LIPH: variants seen among roughly 807,000 people sequenced by gnomAD.
The protein encoded by LIPH is lipase H, also known as lipase member H.
In LIPH, 32 loss-of-function variants were observed where a neutral mutation model predicts 47.6. That is an observed-to-expected ratio of 0.67 (90% confidence interval 0.51 to 0.90). The LOEUF is 0.90. LIPH is among the 40% of genes least tolerant of loss of function. LIPH has a pLI of 0.00. For missense variants in LIPH, 497 were observed against 541.4 expected, an observed-to-expected ratio of 0.92 and a Z score of 0.81; for synonymous variants, 190 against 195.6, an observed-to-expected ratio of 0.97 and a Z score of 0.24.
Position 185,527,563 on chromosome 3 carries a change from T to C in LIPH, c.549A>G (p.Leu183=). Residue 183 remains leucine, a synonymous_variant, in exon 4 of 10, where the codon TTA becomes TTG. Coordinates refer to ENST00000296252, the MANE Select transcript of LIPH (RefSeq NM_139248.3). ...TGTCTTGGTGAGGTTTCCCGTTGAA[T>C]AAAGGGCCTGCAGGGTCGAGGCCTG... The part of the protein sequence containing the change: ...RITGLDPAGP[L]FNGKPHQDRL... 1.9e-6 allele frequency: 3 copies of C among 1,611,918 alleles called. No homozygotes were observed. The highest frequency in any genetic ancestry group is 2.5e-6 in the Non-Finnish European group (3 of 1,179,342).
At position 185,507,120 on chromosome 3, in the gene LIPH, C is replaced by A. The variant is rs1280270516; in HGVS notation, c.*1670G>T. The A allele has an allele frequency of 6.6e-6, 1 of 152,124 alleles. No individual in the cohort carries two copies. Among genetic ancestry groups the A allele is most frequent in the Non-Finnish European group, 1.5e-5 (1 of 68,044 alleles). 9.4% of individuals were successfully genotyped at this position (152,124 alleles called of 1,614,324 possible). Reference sequence around the variant, plus strand: ...GGGTGTGGTGGCTCATGCCTGTAATCCCAGCACTTTGGGAGGCCGAGACGG... The same window carrying A: ...GGGTGTGGTGGCTCATGCCTGTAATACCAGCACTTTGGGAGGCCGAGACGG... On this transcript the variant is annotated 3_prime_UTR_variant, in exon 10 of 10. Transcript: ENST00000296252.
rs1008933418 is a variant in LIPH at position 185,527,568 on chromosome 3, G to A, written c.544C>T (p.Pro182Ser). 6.2e-7 allele frequency: 1 copy of A among 1,611,598 alleles called. No homozygotes were observed. The highest frequency in any genetic ancestry group is 1.3e-5 in the African/African-American group (1 of 74,392). Residue 182 changes from proline to serine, a missense_variant, in exon 4 of 10, where the codon CCT (proline) becomes TCT (serine). Physicochemically the swap from Pro to Ser is moderately conservative, Grantham distance 74. Coordinates refer to ENST00000296252, the MANE Select transcript of LIPH (RefSeq NM_139248.3). The stretch of plus-strand genomic sequence containing the variant: ...TGGTGAGGTTTCCCGTTGAATAAAG[G>A]GCCTGCAGGGTCGAGGCCTGGAAGG... ...GRITGLDPAG[P>S]LFNGKPHQDR...
intron 5 of LIPH, 37 bp from the exon 6 acceptor site, chr3:185,519,346 T>G: frequency 7.1e-7 from 1 of 1,409,680 alleles, no homozygotes; most frequent in Non-Finnish European, 1.0e-6. Context: ...AGTAGAGCGG[T>G]TGAAGCATTT....
chr3:185,529,955 AAAGAAAGAAG>A (rs1451295489), intron 3 of LIPH, among the ~76,000 whole-genome samples: 102 of 53,954 alleles, frequency 1.9e-3, no homozygotes, highest in African/African-American at 5.1e-3. Context: ...AGAAAGAAAG[AAAGAAAGAAG>A]GAAAGAAAGA....
intron 1 of LIPH, among the ~76,000 whole-genome samples, chr3:185,538,836 CATATAT>C (rs1266522320): frequency 1.2e-4 from 5 of 41,334 alleles, no homozygotes; most frequent in African/African-American, 3.5e-4. Context: ...TACATATATA[CATATAT>C]ACACATATAT....
rs1560160731 is a variant in LIPH, at chr3:185,522,627, G to GAGAGA, written c.718+1443_718+1444insTCTCT. Among the ~76,000 whole-genome samples, 10 of 95,410 alleles carry GAGAGA rather than the reference G, an allele frequency of 1.0e-4. No homozygotes were observed. The South Asian group carries it at 2.3e-3, about 22-fold the overall frequency. The allele number at this position is 95,410 out of a possible 152,430, so 62.6% of individuals were successfully genotyped here. ...AGGAAGGGAGGGAGAGAGAAAGAAA[G>GAGAGA]AAGGAAAAGAAAGAGAGAAAGAAAA... On this transcript the variant is annotated intron_variant, in intron 5 of 9. Coordinates refer to ENST00000296252, the MANE Select transcript of LIPH (RefSeq NM_139248.3).
At chr3:185,549,184 C>CAAGA (rs1253024417) in intron 1 of LIPH, among the ~76,000 whole-genome samples, 1 of 151,906 alleles carries the variant, frequency 6.6e-6, no homozygotes, top group Non-Finnish European at 1.5e-5. Context: ...CGGAGACAGG[C>CAAGA]AAGAAGCATA....
intron 6 of LIPH, 41 bp from the exon 7 acceptor site, chr3:185,517,203 T>C: frequency 9.2e-7 from 1 of 1,087,776 alleles, no homozygotes; most frequent in Non-Finnish European, 1.4e-6. Flanking sequence ...TAATATGTAT[T>C]ATACAAACAT....
At chr3:185,523,105 A>C (rs1042155284) in intron 5 of LIPH, among the ~76,000 whole-genome samples, 2 of 152,166 alleles carry the variant, frequency 1.3e-5, no homozygotes, top group Admixed American at 6.6e-5. Flanking sequence ...AAATTATTTC[A>C]AAAGCTCTAA....
chr3:185,522,608 G>C (rs952155797), intron 5 of LIPH, among the ~76,000 whole-genome samples: 1 of 120,998 alleles, frequency 8.3e-6, no homozygotes, highest in East Asian at 2.4e-4. Context: ...AAGAAGGAAG[G>C]GAGGGAGAGA....
intron 1 of LIPH, among the ~76,000 whole-genome samples, chr3:185,543,384 T>G (rs1252585013): frequency 6.6e-6 from 1 of 152,190 alleles, no homozygotes; most frequent in Non-Finnish European, 1.5e-5. Flanking sequence ...CCAATGTTAA[T>G]GAATCAACAG....
In LIPH at chr3:185,547,007, C is replaced by T. The variant is rs184419525; in HGVS notation, c.49+5416G>A. 2.5e-4 allele frequency: 104 copies of T among 409,024 alleles called. 1 individual carries two copies. Among genetic ancestry groups the T allele is most frequent in the Middle Eastern group, 7.0e-4 (2 of 2,860 alleles). 25.3% of individuals were successfully genotyped at this position (409,024 alleles called of 1,614,324 possible). On this transcript the variant is annotated intron_variant, in intron 1 of 9. Coordinates refer to ENST00000296252, the MANE Select transcript of LIPH (RefSeq NM_139248.3). Reference sequence around the variant, plus strand: ...AAGAAGACAGAATTATGGACAGAGGCGAGGAAATTCTGAGATTCTACGATA... The same window carrying T: ...AAGAAGACAGAATTATGGACAGAGGTGAGGAAATTCTGAGATTCTACGATA...
intron 9 of LIPH, 72 bp downstream of exon 9, chr3:185,511,452 C>T: frequency 7.3e-7 from 1 of 1,377,296 alleles, no homozygotes; most frequent in Non-Finnish European, 1.0e-6. Context: ...ACACATCAGA[C>T]CAAGCAGATT....
chr3:185,543,846 C>CTTTTTTTTTTTTTTTTTTTTTTTTT, intron 1 of LIPH, among the ~76,000 whole-genome samples: 1 of 108,742 alleles, frequency 9.2e-6, no homozygotes, highest in Non-Finnish European at 1.9e-5. Context: ...CTGGCTCTTG[C>CTTTTTTTTTTTTTTTTTTTTTTTTT]TTTTTTTTTT....
chr3:185,537,910 A>T (rs546493083), intron 1 of LIPH, among the ~76,000 whole-genome samples: 1 of 152,200 alleles, frequency 6.6e-6, no homozygotes, highest in East Asian at 1.9e-4. Context: ...GGGCTCAAGC[A>T]GTCCTCCCAC....
rs746926972 is a variant in LIPH, at chr3:185,508,826, G to A, written c.1320C>T (p.Val440=). 2 of 1,613,988 alleles carry A rather than the reference G, an allele frequency of 1.2e-6. No individual in the cohort carries two copies. Among genetic ancestry groups the A allele is most frequent in the Non-Finnish European group, 1.7e-6 (2 of 1,179,850 alleles). Residue 440 remains valine (V), a synonymous_variant, in exon 10 of 10, where the codon GTC becomes GTT. Transcript: ENST00000296252. The part of the protein sequence containing the change: ...DLVLMENVET[V]FQPILCPELQ... Reference sequence around the variant, plus strand: ...ACTCTGGGCAAAGAATAGGTTGGAAGACTGTTTCAACGTTTTCCATCAGGA... The same window carrying A: ...ACTCTGGGCAAAGAATAGGTTGGAAAACTGTTTCAACGTTTTCCATCAGGA...
chr3:185,530,728 C>A (rs1720307197), intron 3 of LIPH, among the ~76,000 whole-genome samples: 1 of 151,958 alleles, frequency 6.6e-6, no homozygotes, highest in Non-Finnish European at 1.5e-5. Context: ...GCTCTAGATT[C>A]ATGATGAATA....
intron 4 of LIPH, among the ~76,000 whole-genome samples, chr3:185,526,477 C>T (rs753742250): frequency 8.6e-5 from 13 of 150,536 alleles, no homozygotes; most frequent in Admixed American, 6.7e-4. Context: ...GCCAAGATCA[C>T]GCCACTGCAC....
intron 3 of LIPH, 54 bp downstream of exon 3, chr3:185,533,517 C>CCCA: frequency 8.7e-7 from 1 of 1,151,374 alleles, no homozygotes; most frequent in Non-Finnish European, 1.3e-6. Context: ...ATAATACTCC[C>CCCA]CCAGTGAACA....
Sources: allele counts gnomAD v4.1 joint callset (sites outside exome capture counted in the v4.1 genomes callset), GRCh38; gene constraint gnomAD v4.1.1; transcripts MANE v1.5; gene names NCBI Gene and HGNC (gene_info 2026-07-23, HGNC 2026-07-21).